SLC44A5: variants seen among roughly 807,000 people sequenced by gnomAD.
The protein encoded by SLC44A5 is choline transporter-like protein 5.
A neutral mutation model predicts 101.8 loss-of-function variants in SLC44A5; 57 were observed. The observed-to-expected ratio is 0.56, with a 90% CI of 0.45 to 0.70. SLC44A5 has a LOEUF of 0.70. SLC44A5 is among the 30% of genes least tolerant of loss of function. The pLI is 0.00. For synonymous variants in SLC44A5, 281 were observed against 290.9 expected, an observed-to-expected ratio of 0.97 and a Z score of 0.35; for missense variants, 737 against 853.1, an observed-to-expected ratio of 0.86 and a Z score of 1.70.
chr1:75,561,888 A>G (rs1672533790), intron 1 of SLC44A5, among the ~76,000 whole-genome samples: 1 of 151,984 alleles, frequency 6.6e-6, no homozygotes, highest in Admixed American at 6.6e-5. Flanking sequence ...TTATTTGAAG[A>G]TGCAGTTGTA....
At chr1:75,309,542 G>A (rs11163074) in intron 4 of SLC44A5, among the ~76,000 whole-genome samples, 77,235 of 152,064 alleles carry the variant, frequency 0.51, 20,897 homozygotes, top group East Asian at 0.85. Context: ...TCAAAGAAAA[G>A]CAGTAAATAC....
intron 3 of SLC44A5, among the ~76,000 whole-genome samples, chr1:75,347,209 G>A (rs990419420): frequency 1.3e-5 from 2 of 152,152 alleles, no homozygotes; most frequent in Non-Finnish European, 2.9e-5. Flanking sequence ...GGTAGCTAGT[G>A]ATAACATCTC....
chr1:75,476,872 T>C (rs1020008834), intron 2 of SLC44A5, among the ~76,000 whole-genome samples: 6 of 152,196 alleles, frequency 3.9e-5, no homozygotes, highest in East Asian at 1.9e-4. Flanking sequence ...ACTTAAATGT[T>C]CCTGTCTGAC....
chr1:75,584,435 A>G (rs1251356233), intron 1 of SLC44A5, among the ~76,000 whole-genome samples: 1 of 152,190 alleles, frequency 6.6e-6, no homozygotes, highest in Non-Finnish European at 1.5e-5. Context: ...ATGAATTAGG[A>G]CACTGTCAGT....
Position 75,491,312 on chromosome 1 carries a change from G to C in SLC44A5, c.13+50123C>G, listed in dbSNP as rs536359302. The stretch of plus-strand genomic sequence containing the variant: ...CTTGAGGTCGAAGTTGATATGCTGA[G>C]GATCAAAGAATTTTGAGACAGCAAG... On this transcript the variant is annotated intron_variant, in intron 2 of 23. Transcript: ENST00000370859. Among the ~76,000 whole-genome samples the C allele has an allele frequency of 3.6e-4, 55 of 152,252 alleles. 1 individual carries two copies. The highest frequency in any genetic ancestry group is 1.3e-3 in the African/African-American group (55 of 41,566).
intron 1 of SLC44A5, among the ~76,000 whole-genome samples, chr1:75,545,922 G>T (rs1671626378): frequency 6.6e-6 from 1 of 151,286 alleles, no homozygotes. Flanking sequence ...AACCTCCTCG[G>T]CTCAAGTGAT....
chr1:75,314,723 T>C (rs1043024143), intron 4 of SLC44A5, among the ~76,000 whole-genome samples: 2 of 152,208 alleles, frequency 1.3e-5, no homozygotes, highest in African/African-American at 2.4e-5. Flanking sequence ...TCCCTGATTC[T>C]TGATCATCAC....
chr1:75,680,347 A>G, the SLC44A5 span, among the ~76,000 whole-genome samples: 2 of 152,106 alleles, frequency 1.3e-5, no homozygotes, highest in Admixed American at 1.3e-4. Context: ...TCCAAAATTG[A>G]CCACATACTT....
Position 75,243,023 on chromosome 1 carries a change from C to A in SLC44A5, c.346-12G>T. ...TTGGAGACACAGATCTGTGAACGAA[C>A]AAAGTGATGAGAACTGAACTGAGTT... On this transcript the variant is annotated splice_polypyrimidine_tract_variant and intron_variant, in intron 7 of 23. Coordinates refer to ENST00000370859, the MANE Select transcript of SLC44A5 (RefSeq NM_001130058.2). The A allele has an allele frequency of 6.2e-7, 1 of 1,608,068 alleles. No individual in the cohort carries two copies. The highest frequency in any genetic ancestry group is 8.5e-7 in the Non-Finnish European group (1 of 1,177,310).
At chr1:75,377,082 G>A (rs992224610) in intron 3 of SLC44A5, among the ~76,000 whole-genome samples, 9 of 152,136 alleles carry the variant, frequency 5.9e-5, no homozygotes, top group African/African-American at 9.7e-5. Flanking sequence ...TATCAGCAAT[G>A]GAATGTGGGG....
In SLC44A5 at chr1:75,578,488, T is replaced by A. The variant is rs114808221; in HGVS notation, c.-70+32552A>T. On this transcript the variant is annotated intron_variant, in intron 1 of 23. Transcript: ENST00000370859. ...ATTCAGTCTTATAAAAAGAAGGAAA[T>A]CCTAATAAAACTGAAGTGCAGTGTG... Among the ~76,000 whole-genome samples, 705 of 152,180 alleles carry A rather than the reference T, an allele frequency of 4.6e-3. 7 individuals are homozygous for A. The highest frequency in any genetic ancestry group is 0.016 in the African/African-American group (673 of 41,510).
the SLC44A5 span, among the ~76,000 whole-genome samples, chr1:75,693,713 A>AGGGG: frequency 6.6e-6 from 1 of 152,164 alleles, no homozygotes; most frequent in Non-Finnish European, 1.5e-5. Flanking sequence ...AAACTAGCAA[A>AGGGG]GGAAAAAGAC....
At chr1:75,348,403 T>C (rs1389590171) in intron 3 of SLC44A5, among the ~76,000 whole-genome samples, 1 of 152,166 alleles carries the variant, frequency 6.6e-6, no homozygotes, top group Non-Finnish European at 1.5e-5. Context: ...CTGTTCAAGA[T>C]GAGGGCTCAA....
chr1:75,350,082 G>C (rs139209961), intron 3 of SLC44A5, among the ~76,000 whole-genome samples: 18 of 151,536 alleles, frequency 1.2e-4, no homozygotes, highest in African/African-American at 4.4e-4. Flanking sequence ...GTCCTACCGC[G>C]CCCCCCCCAA....
chr1:75,341,961 G>A (rs1236039206), intron 3 of SLC44A5, among the ~76,000 whole-genome samples: 1 of 152,154 alleles, frequency 6.6e-6, no homozygotes, highest in Non-Finnish European at 1.5e-5. Context: ...TGACTCTGAT[G>A]CACAGACAGA....
chr1:75,357,653 G>T (rs1019103397), intron 3 of SLC44A5, among the ~76,000 whole-genome samples: 2 of 152,148 alleles, frequency 1.3e-5, no homozygotes, highest in Admixed American at 6.6e-5. Flanking sequence ...GACTTTGAAA[G>T]AGGGTTAAGA....
the SLC44A5 span, among the ~76,000 whole-genome samples, chr1:75,649,992 C>T: frequency 6.6e-6 from 1 of 152,128 alleles, no homozygotes; most frequent in Non-Finnish European, 1.5e-5. Flanking sequence ...AATAACAATC[C>T]ACTCTTGTGT....
chr1:75,717,618 T>A, the SLC44A5 span, among the ~76,000 whole-genome samples: 3 of 152,190 alleles, frequency 2.0e-5, no homozygotes, highest in South Asian at 2.1e-4. Flanking sequence ...ATAATTTTTT[T>A]AAAAAAATAA....
intron 12 of SLC44A5, among the ~76,000 whole-genome samples, chr1:75,228,531 T>C (rs1389865649): frequency 1.3e-5 from 2 of 152,024 alleles, no homozygotes; most frequent in South Asian, 2.1e-4. Context: ...TTCTAATTGG[T>C]GAGTTTAACA....
Sources: gnomAD v4.1 joint callset for allele counts (sites outside exome capture counted in the v4.1 genomes callset) on GRCh38, gnomAD v4.1.1 for gene constraint, MANE v1.5 for transcripts, NCBI Gene and HGNC (gene_info 2026-07-23, HGNC 2026-07-21) for gene names.